STX8: variants seen among roughly 807,000 people sequenced by gnomAD.
STX8 encodes syntaxin-8.
A neutral mutation model predicts 37.5 loss-of-function variants in STX8; 23 were observed. The observed-to-expected ratio is 0.61, with a 90% CI of 0.44 to 0.87. The LOEUF is 0.87. Ranked by LOEUF, STX8 falls within the 40% of genes least tolerant of loss-of-function variation. The probability of loss-of-function intolerance (pLI) is 0.00; values close to 1 mark genes in which losing one functional copy is unlikely to be tolerated. For synonymous variants in STX8, 115 were observed against 99.1 expected, an observed-to-expected ratio of 1.16 and a Z score of -0.95; for missense variants, 313 against 284.7, an observed-to-expected ratio of 1.10 and a Z score of -0.71.
In STX8 at chr17:9,537,136, C is replaced by T. The variant is rs1443320027; in HGVS notation, c.323+8036G>A. Reference sequence around the variant, plus strand: ...GGCTTCAGTAACTTCTGATTCTAATCGTTGCTCAAGAAGAAAGCAGCAAGG... The same window carrying T: ...GGCTTCAGTAACTTCTGATTCTAATTGTTGCTCAAGAAGAAAGCAGCAAGG... On this transcript the variant is annotated intron_variant, in intron 4 of 7. Transcript: ENST00000306357. 2.0e-5 allele frequency among the ~76,000 whole-genome samples: 3 copies of T among 152,222 alleles called. No individual in the cohort carries two copies. The South Asian group carries it at 6.2e-4, about 31-fold the overall frequency.
intron 7 of STX8, among the ~76,000 whole-genome samples, chr17:9,319,346 G>T (rs1204446609): frequency 6.6e-6 from 1 of 152,144 alleles, no homozygotes; most frequent in Non-Finnish European, 1.5e-5. Flanking sequence ...GTGAACCTGG[G>T]AGGCAGAGGT....
intron 6 of STX8, among the ~76,000 whole-genome samples, chr17:9,465,386 G>A (rs1000591316): frequency 2.0e-5 from 3 of 152,160 alleles, no homozygotes; most frequent in Non-Finnish European, 2.9e-5. Context: ...TACTGCCTGT[G>A]CAGCTCACAA....
At chr17:9,302,687 G>A (rs1167333207) in intron 7 of STX8, among the ~76,000 whole-genome samples, 1 of 152,092 alleles carries the variant, frequency 6.6e-6, no homozygotes, top group African/African-American at 2.4e-5. Flanking sequence ...CCAAGGAGAT[G>A]AGGATCCACA....
chr17:9,565,957 A>G lies in STX8; in HGVS notation c.117+2414T>C, dbSNP rs548562486. On this transcript the variant is annotated intron_variant, in intron 2 of 7. Coordinates refer to ENST00000306357, the MANE Select transcript of STX8 (RefSeq NM_004853.3). ...TTGCAACAAAAGCAAAAATTGACAAATAGGATCTAATCAACTAAAGAGCTT... is the reference window on the plus strand; with the variant it reads ...TTGCAACAAAAGCAAAAATTGACAAGTAGGATCTAATCAACTAAAGAGCTT... 3.9e-5 allele frequency among the ~76,000 whole-genome samples: 6 copies of G among 152,338 alleles called. No homozygotes were observed. In the South Asian group the frequency reaches 1.2e-3, roughly 32 times the overall value.
intron 7 of STX8, among the ~76,000 whole-genome samples, chr17:9,307,225 C>G (rs958936298): frequency 3.3e-5 from 5 of 152,208 alleles, no homozygotes; most frequent in African/African-American, 1.2e-4. Context: ...TATGTACTTA[C>G]AACTATTTTT....
intron 5 of STX8, among the ~76,000 whole-genome samples, chr17:9,496,849 C>G (rs6503215): frequency 1 from 152,041 of 152,264 alleles, 75,910 homozygotes; most frequent in Middle Eastern, 1. Context: ...CTAGAAGCTA[C>G]AAAAAGTAAG....
chr17:9,429,979 A>AT (rs1913859053), intron 6 of STX8, among the ~76,000 whole-genome samples: 1 of 3,472 alleles, frequency 2.9e-4, no homozygotes, highest in South Asian at 0.012. Flanking sequence ...TATATTATAT[A>AT]GAATATATTA....
At chr17:9,429,376 T>C (rs946423707) in intron 6 of STX8, among the ~76,000 whole-genome samples, 1 of 145,450 alleles carries the variant, frequency 6.9e-6, no homozygotes, top group Non-Finnish European at 1.5e-5. Context: ...TATTTATATA[T>C]AACATATATT....
intron 7 of STX8, chr17:9,273,277 C>A (rs572301731): frequency 6.6e-6 from 1 of 152,230 alleles, no homozygotes; most frequent in African/African-American, 2.4e-5. Context: ...CCGAGTGCCT[C>A]GAACGAGAGC....
At chr17:9,290,842 G>A (rs1908288128) in intron 7 of STX8, among the ~76,000 whole-genome samples, 1 of 152,228 alleles carries the variant, frequency 6.6e-6, no homozygotes, top group Non-Finnish European at 1.5e-5. Context: ...GGACGTACAT[G>A]CTTCTTATTA....
chr17:9,412,242 A>G (rs1913004274), intron 6 of STX8, among the ~76,000 whole-genome samples: 1 of 152,122 alleles, frequency 6.6e-6, no homozygotes, highest in Admixed American at 6.5e-5. Flanking sequence ...TTGGTTCAAA[A>G]TCAACACTTA....
rs546756533 is a variant in STX8, at chr17:9,440,525, AT to A, written c.541+51303del. 1.4e-3 allele frequency among the ~76,000 whole-genome samples: 138 copies of A among 99,780 alleles called. 1 individual carries two copies. The highest frequency in any genetic ancestry group is 6.1e-3 in the African/African-American group (123 of 20,306). 65.5% of individuals were successfully genotyped at this position (99,780 alleles called of 152,430 possible). ...CCAATACAATCATAGTGAATCAATGATTTTTTTTTTTTTTTTTGAGACGGAG... is the reference window on the plus strand; with the variant it reads ...CCAATACAATCATAGTGAATCAATGATTTTTTTTTTTTTTTTGAGACGGAG... On this transcript the variant is annotated intron_variant, in intron 6 of 7. Transcript: ENST00000306357.
chr17:9,429,994 T>TTATATAG (rs1161861875), intron 6 of STX8, among the ~76,000 whole-genome samples: 348 of 13,142 alleles, frequency 0.026, 110 homozygotes, highest in African/African-American at 0.14. Flanking sequence ...ATATTATATA[T>TTATATAG]AATATATATA....
chr17:9,348,925 A>C (rs1910614984), intron 7 of STX8, among the ~76,000 whole-genome samples: 1 of 152,190 alleles, frequency 6.6e-6, no homozygotes, highest in African/African-American at 2.4e-5. Flanking sequence ...CCCCCAAGGG[A>C]TGCCTGAAAC....
At chr17:9,477,381 T>C (rs1171013957) in intron 6 of STX8, among the ~76,000 whole-genome samples, 2 of 152,094 alleles carry the variant, frequency 1.3e-5, no homozygotes, top group Non-Finnish European at 2.9e-5. Flanking sequence ...AAAACTTACC[T>C]AGAGAAGAAA....
chr17:9,267,880 G>T (rs1329471730), intron 7 of STX8, among the ~76,000 whole-genome samples: 1 of 151,888 alleles, frequency 6.6e-6, no homozygotes, highest in East Asian at 1.9e-4. Context: ...AATCTCAGCT[G>T]CTCAGGAGGC....
At chr17:9,549,212 A>AT (rs1294902424) in intron 3 of STX8, among the ~76,000 whole-genome samples, 1 of 152,220 alleles carries the variant, frequency 6.6e-6, no homozygotes, top group Non-Finnish European at 1.5e-5. Flanking sequence ...AAAGTATAAT[A>AT]TTTTTTGTAA....
intron 4 of STX8, among the ~76,000 whole-genome samples, chr17:9,514,269 T>C (rs767568781): frequency 1.3e-5 from 2 of 152,222 alleles, no homozygotes; most frequent in Non-Finnish European, 2.9e-5. Context: ...AAAACATCAC[T>C]ATGTACCCCA....
chr17:9,496,307 C>T (rs1230157944), intron 5 of STX8, among the ~76,000 whole-genome samples: 1 of 152,130 alleles, frequency 6.6e-6, no homozygotes, highest in Admixed American at 6.6e-5. Context: ...AACTCCTGAC[C>T]TCAGGTGATC....
Sources: allele counts gnomAD v4.1 joint callset (sites outside exome capture counted in the v4.1 genomes callset), GRCh38; gene constraint gnomAD v4.1.1; transcripts MANE v1.5; gene names NCBI Gene and HGNC (gene_info 2026-07-23, HGNC 2026-07-21).